SHANK1: variants seen among roughly 807,000 people sequenced by gnomAD.
The protein encoded by SHANK1 is SH3 and multiple ankyrin repeat domains protein 1.
A neutral mutation model predicts 165.6 loss-of-function variants in SHANK1; 35 were observed. The ratio of observed to expected loss-of-function variants is 0.21; its 90% CI spans 0.16 to 0.28. The LOEUF is 0.28. SHANK1 is among the 10% of genes least tolerant of loss of function. The pLI is 1.00. For synonymous variants in SHANK1, 1,428 were observed against 1,384.8 expected, an observed-to-expected ratio of 1.03 and a Z score of -0.69; for missense variants, 2,681 against 3,036.4, an observed-to-expected ratio of 0.88 and a Z score of 2.75.
At position 50,711,377 on chromosome 19, in the gene SHANK1, G is replaced by A. The variant is rs1210237036; in HGVS notation, c.1071C>T (p.Tyr357=). The A allele has an allele frequency of 6.4e-7, 1 of 1,554,636 alleles. No homozygotes were observed. Among genetic ancestry groups the A allele is most frequent in the Admixed American group, 1.9e-5 (1 of 51,364 alleles). The change falls in exon 8 of 24, where the codon TAC becomes TAT. Residue 357 remains tyrosine, a synonymous_variant. Coordinates refer to ENST00000293441, the MANE Select transcript of SHANK1 (RefSeq NM_016148.5). ...GNTALHICAL[Y]NKETCARILL... is the part of the protein sequence containing the mutation. ...TGGCCGCTGCTAGGCAGACCTTGTT[G>A]TAGAGGGCGCAGATGTGCAGAGCCG...
Position 50,695,301 on chromosome 19 carries a change from G to GACCGCGGACGGCGCCGGCTTCAGC in SHANK1, c.1964+1771_1964+1794dup, listed in dbSNP as rs1568438617. ...GGTCGGGCCGCGGCGGTAGCGCGAG[G>GACCGCGGACGGCGCCGGCTTCAGC]ACCGCGGACGGCGCCGGCTTCAGCA... On this transcript the variant is annotated intron_variant, in intron 15 of 23. Coordinates refer to ENST00000293441, the MANE Select transcript of SHANK1 (RefSeq NM_016148.5). 2.0e-5 allele frequency among the ~76,000 whole-genome samples: 3 copies of GACCGCGGACGGCGCCGGCTTCAGC among 147,996 alleles called. No homozygotes were observed. The East Asian group carries it at 6.0e-4, about 30-fold the overall frequency.
Position 50,667,751 on chromosome 19 carries a change from T to C in SHANK1, c.4209A>G (p.Pro1403=). 9.6e-7 allele frequency: 1 copy of C among 1,047,024 alleles called. No homozygotes were observed. Among genetic ancestry groups the C allele is most frequent in the Non-Finnish European group, 1.1e-6 (1 of 874,624 alleles). 64.9% of individuals were successfully genotyped at this position (1,047,024 alleles called of 1,614,324 possible). A position where few individuals can be genotyped will look rare whatever the true frequency, so the allele number is the denominator to read the frequency against. The change falls in exon 23 of 24, where the codon CCA becomes CCG. Residue 1403 remains proline (P), a synonymous_variant. Coordinates refer to ENST00000293441, the MANE Select transcript of SHANK1 (RefSeq NM_016148.5). The surrounding 1 kb of genome is among the most constrained non-coding windows in gnomAD (Gnocchi z 5.7). The part of the protein sequence containing the change: ...HHHSPHAHHE[P]VLRLWGASPP... Reference sequence around the variant, plus strand: ...GGGAGGCCCCCCAGAGACGCAGCACTGGCTCGTGGTGGGCGTGGGGCGAGT... The same window carrying C: ...GGGAGGCCCCCCAGAGACGCAGCACCGGCTCGTGGTGGGCGTGGGGCGAGT...
chr19:50,668,423 C>T lies in SHANK1; in HGVS notation c.3537G>A (p.Ala1179=), dbSNP rs1418400152. ...TGGGCTCCGGCTGGGTGGGGGGCTC[C>T]GCCTCGGTGCTGCTGCCCTGGCTGC... is the stretch of plus-strand genomic sequence containing the variant. ...GRSSQGSSTE[A]EPPTQPEPTG... is the part of the protein sequence containing the mutation. Residue 1179 remains alanine, a synonymous_variant, in exon 23 of 24, where the codon GCG becomes GCA. Transcript: ENST00000293441. 12 of 1,326,520 alleles carry T rather than the reference C, an allele frequency of 9.0e-6. No individual in the cohort carries two copies. Among genetic ancestry groups the T allele is most frequent in the Non-Finnish European group, 1.2e-5 (12 of 1,036,284 alleles). The allele number at this position is 1,326,520 out of a possible 1,614,324, so 82.2% of individuals were successfully genotyped here. A position where few individuals can be genotyped will look rare whatever the true frequency, so the allele number is the denominator to read the frequency against.
chr19:50,681,403 G>A (rs546674982), intron 21 of SHANK1, among the ~76,000 whole-genome samples: 2 of 152,266 alleles, frequency 1.3e-5, no homozygotes, highest in Admixed American at 1.3e-4. Flanking sequence ...GTGAGTGCTT[G>A]TGAGTTTCAT....
chr19:50,681,020 C>T (rs1428171708), intron 21 of SHANK1, among the ~76,000 whole-genome samples: 2 of 151,990 alleles, frequency 1.3e-5, no homozygotes, highest in African/African-American at 4.8e-5. Context: ...TCCAAGAAGC[C>T]TCGGGGGGTA....
intron 23 of SHANK1, among the ~76,000 whole-genome samples, chr19:50,665,641 C>T (rs1377427248): frequency 6.8e-6 from 1 of 146,934 alleles, no homozygotes; most frequent in African/African-American, 2.5e-5. Flanking sequence ...CACCTATAGT[C>T]CCAGAGGATT....
intron 21 of SHANK1, among the ~76,000 whole-genome samples, chr19:50,675,327 T>A (rs1030697608): frequency 2.6e-5 from 4 of 152,246 alleles, no homozygotes; most frequent in African/African-American, 9.6e-5. Flanking sequence ...CTGGCCACAT[T>A]TGAAGTATTC....
At position 50,659,566 on chromosome 19, in the gene SHANK1, AC is replaced by A. The variant is rs879542610; in HGVS notation, c.*2398del. On this transcript the variant is annotated 3_prime_UTR_variant, in exon 24 of 24. Transcript: ENST00000293441. ...TCCGCCCCCCTCCTCTTCCCCTCCC[AC>A]CCCCCCTTGGAAGACAATTCTCGGG... Among the ~76,000 whole-genome samples the A allele has an allele frequency of 6.8e-5, 2 of 29,560 alleles. No homozygotes were observed. The highest frequency in any genetic ancestry group is 2.7e-4 in the African/African-American group (2 of 7,298). The allele number at this position is 29,560 out of a possible 152,430, so 19.4% of individuals were successfully genotyped here.
chr19:50,667,277 G>A lies in SHANK1; in HGVS notation c.4683C>T (p.Phe1561=), dbSNP rs1325012415. The A allele has an allele frequency of 6.3e-7, 1 of 1,596,964 alleles. No homozygotes were observed. The highest frequency in any genetic ancestry group is 1.3e-5 in the African/African-American group (1 of 74,998). ...GCGGAGGCAGCGGTTCCACGAAAAG[G>A]AATTCGCCATCTTCCACATCCACCG... ...APSVDVEDGE[F]LFVEPLPPPL... The change falls in exon 23 of 24, where the codon TTC becomes TTT. Residue 1561 remains phenylalanine, a synonymous_variant. Coordinates refer to ENST00000293441, the MANE Select transcript of SHANK1 (RefSeq NM_016148.5). The surrounding 1 kb of genome is among the most constrained non-coding windows in gnomAD (Gnocchi z 5.7).
In SHANK1 at chr19:50,686,721, G is replaced by A. The variant is rs1394536487; in HGVS notation, c.2458+23C>T. On this transcript the variant is annotated intron_variant, in intron 20 of 23. Coordinates refer to ENST00000293441, the MANE Select transcript of SHANK1 (RefSeq NM_016148.5). The surrounding 1 kb of genome is among the most constrained non-coding windows in gnomAD (Gnocchi z 5.7). Reference sequence around the variant, plus strand: ...CCGGGGCTGGGGCCCGGCATCCCGAGGAGCAGGGCTGGGCCGTCTTACTGA... The same window carrying A: ...CCGGGGCTGGGGCCCGGCATCCCGAAGAGCAGGGCTGGGCCGTCTTACTGA... 2.5e-6 allele frequency: 4 copies of A among 1,610,868 alleles called. No individual in the cohort carries two copies. The Admixed American group carries it at 6.7e-5, about 27-fold the overall frequency.
At chr19:50,715,830 T>A in intron 3 of SHANK1, 100 bp from the exon 4 acceptor site, 1 of 1,160,006 alleles carries the variant, frequency 8.6e-7, no homozygotes. Flanking sequence ...CCCTTCTAAT[T>A]CCCCGGGGTA....
Position 50,662,558 on chromosome 19 carries a change from C to A in SHANK1, c.5893G>T (p.Ala1965Ser), listed in dbSNP as rs1186554430. ...GTGVSPTAAA[A>S]PGATSPSASS... ...GCTGAGGGTGAGGTGGCCCCTGGGG[C>A]CGCAGCGGCTGTAGGGGAGACCCCT... Residue 1965 changes from alanine (A) to serine (S), a missense_variant, in exon 24 of 24, where the codon GCC becomes TCC. Ala to Ser is a moderately conservative substitution (Grantham distance 99). Around this residue, in one of 10 missense-constraint regions of SHANK1, gnomAD observed 1,713 missense variants for 1,630.2 expected, o/e 1.05. Transcript: ENST00000293441. The surrounding 1 kb of genome is among the most constrained non-coding windows in gnomAD (Gnocchi z 7.7). 1 of 1,561,650 alleles carries A rather than the reference C, an allele frequency of 6.4e-7. No homozygotes were observed. The highest frequency in any genetic ancestry group is 1.9e-5 in the Admixed American group (1 of 51,894).
rs751143505 is a variant in SHANK1, at chr19:50,667,445, C to T, written c.4515G>A (p.Thr1505=). 11 of 1,527,546 alleles carry T rather than the reference C, an allele frequency of 7.2e-6. No individual in the cohort carries two copies. Among genetic ancestry groups the T allele is most frequent in the Non-Finnish European group, 9.6e-6 (11 of 1,146,058 alleles). 94.6% of individuals were successfully genotyped at this position (1,527,546 alleles called of 1,614,324 possible). The change falls in exon 23 of 24, where the codon ACG becomes ACA. Residue 1505 remains threonine (T), a synonymous_variant. Transcript: ENST00000293441. This position sits in a 1 kb window ranked among gnomAD's most constrained non-coding sequence, Gnocchi z 5.7. ...CCTCCGAGGGGGGACCCCTTCCGCT[C>T]GTCACAGGGGCCCGGGGCTGGCAGT... The part of the protein sequence containing the change: ...LENCQPRAPV[T]SGRGPPSEDG...
At chr19:50,709,234 G>A (rs2123191702) in intron 8 of SHANK1, among the ~76,000 whole-genome samples, 1 of 152,192 alleles carries the variant, frequency 6.6e-6, no homozygotes, top group East Asian at 1.9e-4. Context: ...CGCCTCCCGG[G>A]TTCACGCCAT....
Position 50,687,697 on chromosome 19 carries a change from G to T in SHANK1, c.2309-35C>A. 5 of 1,448,724 alleles carry T rather than the reference G, an allele frequency of 3.5e-6. No individual in the cohort carries two copies. The East Asian group carries it at 1.0e-4, about 29-fold the overall frequency. The allele number at this position is 1,448,724 out of a possible 1,614,324, so 89.7% of individuals were successfully genotyped here. On this transcript the variant is annotated intron_variant, in intron 18 of 23. Transcript: ENST00000293441. ...TGATGAGGGGAGGCATCAGTATCAT[G>T]GGGGAGATGCCCCCACCACCCTCTA... is the stretch of plus-strand genomic sequence containing the variant.
In SHANK1 at chr19:50,718,477, C is replaced by T. The variant is rs1396411407; in HGVS notation, c.-44+929G>A. Among the ~76,000 whole-genome samples, 1 of 152,064 alleles carries T rather than the reference C, an allele frequency of 6.6e-6. No homozygotes were observed. Among genetic ancestry groups the T allele is most frequent in the Non-Finnish European group, 1.5e-5 (1 of 67,950 alleles). ...GGGCCCCCCGCGCGTACGGCTGCCC[C>T]AGCCCCCCCGGGCCGGCTCCGGCCC... On this transcript the variant is annotated intron_variant, in intron 1 of 23. Transcript: ENST00000293441. The surrounding 1 kb of genome is among the most constrained non-coding windows in gnomAD (Gnocchi z 5.1).
chr19:50,701,862 C>G (rs533604729), intron 12 of SHANK1, among the ~76,000 whole-genome samples: 9 of 152,214 alleles, frequency 5.9e-5, no homozygotes, highest in African/African-American at 2.2e-4. Flanking sequence ...CTCCACTTTC[C>G]AGATGAAGGT....
At position 50,688,644 on chromosome 19, in the gene SHANK1, G is replaced by A. The variant is rs927561343; in HGVS notation, c.2172+200C>T. On this transcript the variant is annotated intron_variant, in intron 17 of 23. Transcript: ENST00000293441. This position sits in a 1 kb window ranked among gnomAD's most constrained non-coding sequence, Gnocchi z 6.7. Reference sequence around the variant, plus strand: ...TTGTGTATGTGTTGGGGACAGCTCTGTGTCACTCTTTTGAGATGCCTCAGA... The same window carrying A: ...TTGTGTATGTGTTGGGGACAGCTCTATGTCACTCTTTTGAGATGCCTCAGA... Among the ~76,000 whole-genome samples the A allele has an allele frequency of 6.6e-6, 1 of 152,190 alleles. No individual in the cohort carries two copies. The highest frequency in any genetic ancestry group is 1.9e-4 in the East Asian group (1 of 5,180).
rs1280923316 is a variant in SHANK1 at position 50,667,764 on chromosome 19, G to C, written c.4196C>G (p.Ala1399Gly). Residue 1399 changes from alanine (A) to glycine (G), a missense_variant, in exon 23 of 24, where the codon GCC becomes GGC. Transcript: ENST00000293441. The surrounding 1 kb of genome is among the most constrained non-coding windows in gnomAD (Gnocchi z 5.7). ...PPTPHHHSPH[A>G]HHEPVLRLWG... The stretch of plus-strand genomic sequence containing the variant: ...GAGACGCAGCACTGGCTCGTGGTGG[G>C]CGTGGGGCGAGTGGTGGTGCGGGGT... 3.8e-6 allele frequency: 5 copies of C among 1,308,338 alleles called. No individual in the cohort carries two copies. In the Middle Eastern group the frequency reaches 8.2e-4, roughly 215 times the overall value. 81.0% of individuals were successfully genotyped at this position (1,308,338 alleles called of 1,614,324 possible). A position where few individuals can be genotyped will look rare whatever the true frequency, so the allele number is the denominator to read the frequency against.
Sources: allele counts gnomAD v4.1 joint callset (sites outside exome capture counted in the v4.1 genomes callset), GRCh38; gene constraint gnomAD v4.1.1; regional missense constraint gnomAD v4.1.1; non-coding constraint Gnocchi (gnomAD v3.1); transcripts MANE v1.5; gene names NCBI Gene and HGNC (gene_info 2026-07-23, HGNC 2026-07-21).